MX2: variants seen among roughly 807,000 people sequenced by gnomAD.
The protein encoded by MX2 is interferon-induced GTP-binding protein Mx2.
In MX2, 51 loss-of-function variants were observed where a neutral mutation model predicts 74.0. The ratio of observed to expected loss-of-function variants is 0.69; its 90% CI spans 0.55 to 0.87. The LOEUF (loss-of-function observed/expected upper bound fraction) is 0.87. Ranked by LOEUF, MX2 falls within the 40% of genes least tolerant of loss-of-function variation. MX2 has a pLI of 0.00. For synonymous variants in MX2, 369 were observed against 339.3 expected, an observed-to-expected ratio of 1.09 and a Z score of -0.96; for missense variants, 832 against 908.7, an observed-to-expected ratio of 0.92 and a Z score of 1.09.
chr21:41,383,161 C>G (rs1368351452), intron 5 of MX2, among the ~76,000 whole-genome samples: 3 of 152,150 alleles, frequency 2.0e-5, no homozygotes, highest in Non-Finnish European at 4.4e-5. Context: ...AAGTTCTAGA[C>G]CAGCACGGGC....
intron 11 of MX2, 148 bp from the exon 12 acceptor site, chr21:41,403,119 A>G (rs778365069): frequency 3.2e-5 from 20 of 623,890 alleles, no homozygotes; most frequent in Non-Finnish European, 5.7e-5. Flanking sequence ...ACCCTCTCCT[A>G]TCGCGGTTTG....
rs2046594154 is a variant in MX2, at chr21:41,408,434, C to CA, written c.*201_*202insA. ...CTCCACCACCCAGCTCTTCCCTGAC[C>CA]TTCACGAAGGGATGGCTCTCCAGTC... On this transcript the variant is annotated 3_prime_UTR_variant, in exon 14 of 14. Transcript: ENST00000330714. The CA allele has an allele frequency of 3.0e-6, 2 of 671,236 alleles. No individual in the cohort carries two copies. The highest frequency in any genetic ancestry group is 4.1e-5 in the South Asian group (2 of 48,394). 41.6% of individuals were successfully genotyped at this position (671,236 alleles called of 1,614,324 possible).
intron 8 of MX2, 130 bp from the exon 9 acceptor site, chr21:41,398,767 G>A: frequency 2.3e-6 from 3 of 1,295,840 alleles, no homozygotes; most frequent in Non-Finnish European, 3.2e-6. Context: ...CACTTTGGGA[G>A]GCTGGGGCAG....
chr21:41,403,754 T>C, intron 12 of MX2: 1 of 430,656 alleles, frequency 2.3e-6, no homozygotes, highest in South Asian at 1.7e-5. Context: ...TTAGCAACTC[T>C]TCCCCCGAGT....
At chr21:41,407,601 T>C (rs1410136903) in intron 13 of MX2, among the ~76,000 whole-genome samples, 1 of 152,218 alleles carries the variant, frequency 6.6e-6, no homozygotes, top group Non-Finnish European at 1.5e-5. Flanking sequence ...GGCACCTGGC[T>C]GCCAGGCATA....
At chr21:41,396,499 C>T (rs945010691) in intron 7 of MX2, among the ~76,000 whole-genome samples, 7 of 151,674 alleles carry the variant, frequency 4.6e-5, no homozygotes, top group African/African-American at 1.5e-4. Flanking sequence ...GAATTTGGGC[C>T]GAGTAGGTCT....
chr21:41,377,903 G>T lies in MX2; in HGVS notation c.364G>T (p.Ala122Ser), dbSNP rs139047929. 5.0e-6 allele frequency: 8 copies of T among 1,614,074 alleles called. No individual in the cohort carries two copies. In the African/African-American group the frequency reaches 5.3e-5, roughly 11 times the overall value. The change falls in exon 3 of 14, where the codon GCC becomes TCC. Residue 122 changes from alanine to serine, a missense_variant. Coordinates refer to ENST00000330714, the MANE Select transcript of MX2 (RefSeq NM_002463.2). ...GCAGGACCTGGCCCTGCCAGCCATC[G>T]CCGTCATCGGGGACCAGAGCTCGGG... ...VEQDLALPAI[A>S]VIGDQSSGKS...
chr21:41,407,157 A>G (rs1366571572), intron 13 of MX2, among the ~76,000 whole-genome samples, 159 bp downstream of exon 13: 5 of 152,212 alleles, frequency 3.3e-5, no homozygotes, highest in Non-Finnish European at 7.3e-5. Context: ...ATATTTTCTC[A>G]TTTATAATTT....
At chr21:41,373,725 G>A (rs2089357146) in intron 1 of MX2, among the ~76,000 whole-genome samples, 1 of 150,588 alleles carries the variant, frequency 6.6e-6, no homozygotes, top group Non-Finnish European at 1.5e-5. Flanking sequence ...AGCCCCCCAG[G>A]AGAAGGGAGG....
At chr21:41,395,841 C>T in intron 7 of MX2, 56 bp downstream of exon 7, 1 of 1,571,506 alleles carries the variant, frequency 6.4e-7, no homozygotes, top group East Asian at 2.2e-5. Context: ...AGCCCATCTG[C>T]AAGAGTTGGC....
chr21:41,362,444 T>C (rs1305114708), intron 1 of MX2, among the ~76,000 whole-genome samples: 1 of 152,072 alleles, frequency 6.6e-6, no homozygotes, highest in Non-Finnish European at 1.5e-5. Flanking sequence ...GTTTCAAGTG[T>C]TCCTTCTTTT....
chr21:41,376,476 G>C (rs1339881064), intron 1 of MX2, among the ~76,000 whole-genome samples: 1 of 152,164 alleles, frequency 6.6e-6, no homozygotes, highest in East Asian at 1.9e-4. Flanking sequence ...AGTCCAGGGA[G>C]GTTGAGGCTG....
At chr21:41,399,065 G>C in intron 9 of MX2, 46 bp downstream of exon 9, 1 of 1,599,306 alleles carries the variant, frequency 6.3e-7, no homozygotes, top group East Asian at 2.2e-5. Flanking sequence ...TCCTTCCCTG[G>C]TGGCCCTGCA....
chr21:41,397,670 T>A lies in MX2; in HGVS notation c.1128T>A (p.Thr376=). ...CCCGACTGGCAGAAAGACTTACCACTGAACTCATCATGCATATCCAAGTGA... is the reference window on the plus strand; with the variant it reads ...CCCGACTGGCAGAAAGACTTACCACAGAACTCATCATGCATATCCAAGTGA... The part of the protein sequence containing the change: ...TVPRLAERLT[T]ELIMHIQKSL... The change falls in exon 8 of 14, where the codon ACT becomes ACA. Residue 376 remains threonine (T), a synonymous_variant. Transcript: ENST00000330714. 5 of 1,614,154 alleles carry A rather than the reference T, an allele frequency of 3.1e-6. No individual in the cohort carries two copies. Among genetic ancestry groups the A allele is most frequent in the Non-Finnish European group, 4.2e-6 (5 of 1,179,990 alleles).
chr21:41,404,897 A>AG (rs1455973958), intron 12 of MX2: 1 of 150,628 alleles, frequency 6.6e-6, no homozygotes, highest in Non-Finnish European at 1.5e-5. Flanking sequence ...AAAAAGAAAA[A>AG]GAAAAAAAAA....
intron 5 of MX2, among the ~76,000 whole-genome samples, chr21:41,387,725 C>G (rs1355076994): frequency 6.6e-6 from 1 of 152,206 alleles, no homozygotes; most frequent in Non-Finnish European, 1.5e-5. Flanking sequence ...TCAAGCCCAG[C>G]TCTCTCCCCT....
intron 5 of MX2, among the ~76,000 whole-genome samples, chr21:41,383,091 G>A (rs2089520267): frequency 6.6e-6 from 1 of 152,210 alleles, no homozygotes; most frequent in Admixed American, 6.5e-5. Flanking sequence ...AGGCACGGTG[G>A]CGCATGCCTG....
chr21:41,377,818 C>A lies in MX2; in HGVS notation c.279C>A (p.Tyr93Ter). 6.2e-7 allele frequency: 1 copy of A among 1,613,706 alleles called. No homozygotes were observed. Among genetic ancestry groups the A allele is most frequent in the Non-Finnish European group, 8.5e-7 (1 of 1,179,646 alleles). Reference protein sequence around the residue: ...MGPENNLYSQYEQKVRPCIDL... With the variant: ...MGPENNLYSQ Reference sequence around the variant, plus strand: ...CCGAGAACAACCTGTACAGCCAGTACGAGCAGAAGGTGCGCCCCTGCATTG... The same window carrying A: ...CCGAGAACAACCTGTACAGCCAGTAAGAGCAGAAGGTGCGCCCCTGCATTG... The change falls in exon 3 of 14, where the codon TAC becomes TAA. Residue 93 changes from tyrosine to a stop codon, truncating the protein, a stop_gained. Coordinates refer to ENST00000330714, the MANE Select transcript of MX2 (RefSeq NM_002463.2). LOFTEE classifies it high-confidence loss of function.
intron 10 of MX2, among the ~76,000 whole-genome samples, chr21:41,400,115 A>G (rs1428531684): frequency 6.6e-6 from 1 of 152,206 alleles, no homozygotes. Flanking sequence ...CTTCATTAGT[A>G]GCAGCTAAAC....
Sources: gnomAD v4.1 joint callset for allele counts (sites outside exome capture counted in the v4.1 genomes callset) on GRCh38, gnomAD v4.1.1 for gene constraint, MANE v1.5 for transcripts, NCBI Gene and HGNC (gene_info 2026-07-23, HGNC 2026-07-21) for gene names.